Variants in UBA6 observed in about 807,000 individuals in gnomAD.
UBA6 encodes the protein ubiquitin-like modifier-activating enzyme 6.
A neutral mutation model predicts 148.3 loss-of-function variants in UBA6; 87 were observed. The ratio of observed to expected loss-of-function variants is 0.59; its 90% CI spans 0.49 to 0.70. The LOEUF is 0.70. UBA6 is among the 30% of genes least tolerant of loss of function. The pLI, the probability that UBA6 is intolerant of heterozygous loss-of-function variation, is 0.00. For synonymous variants in UBA6, 376 were observed against 401.0 expected (o/e 0.94, Z 0.75); for missense variants, 1,186 against 1,241.2 (o/e 0.96, Z 0.67).
At chr4:67,658,251 T>C (rs1385199261) in intron 13 of UBA6, among the ~76,000 whole-genome samples, 3 of 152,346 alleles carry the variant, frequency 2.0e-5, no homozygotes, top group East Asian at 3.9e-4. Context: ...CGTATGTTTA[T>C]TGTGGCACTA....
At chr4:67,693,346 A>ATG (rs36048543) in intron 2 of UBA6, among the ~76,000 whole-genome samples, 2 of 151,658 alleles carry the variant, frequency 1.3e-5, no homozygotes, top group Non-Finnish European at 2.9e-5. Flanking sequence ...ATATATATAT[A>ATG]CAGTATATAA....
At chr4:67,623,052 A>T in intron 31 of UBA6, 83 bp downstream of exon 31, 1 of 1,352,202 alleles carries the variant, frequency 7.4e-7, no homozygotes, top group South Asian at 1.3e-5. Context: ...AATAATTATA[A>T]CTTCCAATAA....
At chr4:67,627,650 T>TG (rs1445573367) in intron 27 of UBA6, among the ~76,000 whole-genome samples, 1 of 151,848 alleles carries the variant, frequency 6.6e-6, no homozygotes, top group East Asian at 1.9e-4. Flanking sequence ...CATTGTGTTC[T>TG]GCAAATCCAT....
intron 13 of UBA6, among the ~76,000 whole-genome samples, chr4:67,658,956 T>G (rs1021269052): frequency 1.3e-5 from 2 of 152,218 alleles, no homozygotes; most frequent in African/African-American, 4.8e-5. Flanking sequence ...TTGAATTAAC[T>G]GCGTACATCT....
intron 32 of UBA6, among the ~76,000 whole-genome samples, chr4:67,619,344 C>A (rs1728700067): frequency 6.6e-6 from 1 of 152,172 alleles, no homozygotes; most frequent in Non-Finnish European, 1.5e-5. Flanking sequence ...TAAATTTGGA[C>A]ACACTGGTCA....
At chr4:67,677,474 T>A in intron 6 of UBA6, 137 bp downstream of exon 6, 1 of 445,480 alleles carries the variant, frequency 2.2e-6, no homozygotes, top group Non-Finnish European at 4.0e-6. Context: ...AAAGGTTTTA[T>A]TCTAATATGT....
chr4:67,696,590 T>A, intron 2 of UBA6, 55 bp downstream of exon 2: 1 of 1,406,934 alleles, frequency 7.1e-7, no homozygotes, highest in South Asian at 1.2e-5. Context: ...GACTACTTGA[T>A]TATTTGAGAA....
chr4:67,644,685 A>G lies in UBA6; in HGVS notation c.1476+13T>C. 6 of 1,500,260 alleles carry G rather than the reference A, an allele frequency of 4.0e-6. No homozygotes were observed. Among genetic ancestry groups the G allele is most frequent in the Non-Finnish European group, 5.6e-6 (6 of 1,076,772 alleles). The allele number at this position is 1,500,260 out of a possible 1,614,324, so 92.9% of individuals were successfully genotyped here. ...AAATATAAACTTTTAACTCTCAAGA[A>G]TTGATATCTTACCATTCCTTTCTCT... On this transcript the variant is annotated intron_variant, in intron 17 of 32. Coordinates refer to ENST00000322244, the MANE Select transcript of UBA6 (RefSeq NM_018227.6).
At chr4:67,625,289 A>T in intron 28 of UBA6, 102 bp from the exon 29 acceptor site, 1 of 877,478 alleles carries the variant, frequency 1.1e-6, no homozygotes, top group Non-Finnish European at 1.6e-6. Context: ...ATTCCTTTTT[A>T]TATTTTTTAA....
At chr4:67,640,519 G>T (rs538678588) in intron 18 of UBA6, among the ~76,000 whole-genome samples, 1 of 152,106 alleles carries the variant, frequency 6.6e-6, no homozygotes, top group South Asian at 2.1e-4. Context: ...TCCCTAGGTT[G>T]CCCAGGCTGG....
At chr4:67,657,654 A>T (rs1313175005) in intron 13 of UBA6, among the ~76,000 whole-genome samples, 2 of 152,150 alleles carry the variant, frequency 1.3e-5, no homozygotes, top group East Asian at 3.9e-4. Context: ...AGCAATGGCA[A>T]CAAAAGCCAA....
At chr4:67,626,834 T>A (rs1025769132) in intron 27 of UBA6, among the ~76,000 whole-genome samples, 6 of 151,966 alleles carry the variant, frequency 3.9e-5, no homozygotes, top group Non-Finnish European at 8.8e-5. Context: ...AAGTCCATAC[T>A]GATCTTTTTA....
At position 67,616,486 on chromosome 4, in the gene UBA6, G is replaced by A. The variant is rs1386207833; in HGVS notation, c.*2511C>T. 5.1e-6 allele frequency: 1 copy of A among 194,786 alleles called. No homozygotes were observed. Among genetic ancestry groups the A allele is most frequent in the Non-Finnish European group, 1.0e-5 (1 of 96,424 alleles). 12.1% of individuals were successfully genotyped at this position (194,786 alleles called of 1,614,324 possible). On this transcript the variant is annotated 3_prime_UTR_variant, in exon 33 of 33. Transcript: ENST00000322244. ...GTCCTACCTTTGGGACAATTTATGA[G>A]GAACTTATGGACAAGTAACAGAACT...
intron 14 of UBA6, 66 bp from the exon 15 acceptor site, chr4:67,646,857 TTTATAG>T: frequency 2.2e-6 from 2 of 924,980 alleles, no homozygotes; most frequent in Non-Finnish European, 3.0e-6. Context: ...AAGAAGCTCC[TTTATAG>T]TTATTTAATA....
chr4:67,618,958 A>G lies in UBA6; in HGVS notation c.*39T>C. 6.3e-7 allele frequency: 1 copy of G among 1,591,496 alleles called. No homozygotes were observed. Among genetic ancestry groups the G allele is most frequent in the Admixed American group, 1.8e-5 (1 of 55,308 alleles). ...TTCTGAATTAAGTGCACTCTTTCCA[A>G]AATCAAGTGGTCCTGGAGTAACGTT... On this transcript the variant is annotated 3_prime_UTR_variant, in exon 33 of 33. Coordinates refer to ENST00000322244, the MANE Select transcript of UBA6 (RefSeq NM_018227.6).
At chr4:67,694,215 C>CAAAAAAAAAAAAAAAAAAAAAAAAA (rs769649769) in intron 2 of UBA6, among the ~76,000 whole-genome samples, 2 of 41,872 alleles carry the variant, frequency 4.8e-5, no homozygotes, top group Admixed American at 4.8e-4. Flanking sequence ...GACTCCATCT[C>CAAAAAAAAAAAAAAAAAAAAAAAAA]AAAAAAAAAA....
chr4:67,666,464 T>A (rs1446429905), intron 9 of UBA6, among the ~76,000 whole-genome samples: 2 of 151,852 alleles, frequency 1.3e-5, no homozygotes, highest in East Asian at 3.9e-4. Context: ...CAGCTGCTGT[T>A]ACCTCTGGAG....
chr4:67,670,560 T>C lies in UBA6; in HGVS notation c.579A>G (p.Ser193=). ...CATCACCGAAATCACAAAATAACCT[T>C]GACCAAATTCCATGTACATCTGCAC... ...FISADVHGIW[S]RLFCDFGDEF... is the part of the protein sequence containing the mutation. The change falls in exon 8 of 33, where the codon TCA becomes TCG. Residue 193 remains serine, a synonymous_variant. Transcript: ENST00000322244. 4 of 1,611,932 alleles carry C rather than the reference T, an allele frequency of 2.5e-6. No homozygotes were observed. The highest frequency in any genetic ancestry group is 1.7e-6 in the Non-Finnish European group (2 of 1,178,198).
In UBA6 at chr4:67,662,239, C is replaced by G. The variant is rs146301150; in HGVS notation, c.1054G>C (p.Glu352Gln). 1.2e-6 allele frequency: 2 copies of G among 1,613,344 alleles called. No individual in the cohort carries two copies. Among genetic ancestry groups the G allele is most frequent in the African/African-American group, 2.7e-5 (2 of 74,900 alleles). The change falls in exon 13 of 33, where the codon GAA becomes CAA. Residue 352 changes from glutamate to glutamine, a missense_variant. Coordinates refer to ENST00000322244, the MANE Select transcript of UBA6 (RefSeq NM_018227.6). ...KPNVGCQQDSEELLKLATSIS... is the reference protein window; with the variant it reads ...KPNVGCQQDSQELLKLATSIS... ...GATGTTGCTAGTTTCAACAGTTCTT[C>G]TGAATCTTGTTGGCATCTACAACTC...
Sources: gnomAD v4.1 joint callset for allele counts (sites outside exome capture counted in the v4.1 genomes callset) on GRCh38, gnomAD v4.1.1 for gene constraint, MANE v1.5 for transcripts, NCBI Gene and HGNC (gene_info 2026-07-23, HGNC 2026-07-21) for gene names.